Variants in DOT1L observed in about 807,000 individuals in gnomAD.
DOT1L encodes the protein DOT1 like histone lysine methyltransferase, also known as histone-lysine N-methyltransferase, H3 lysine-79 specific.
A neutral mutation model predicts 153.3 loss-of-function variants in DOT1L; 33 were observed. That is an observed-to-expected ratio of 0.22 (90% confidence interval 0.16 to 0.29). The LOEUF is 0.29. DOT1L is among the 10% of genes least tolerant of loss of function. DOT1L has a pLI of 1.00. For missense variants in DOT1L, 1,847 were observed against 2,119.9 expected (o/e 0.87, Z 2.53); for synonymous variants, 1,135 against 965.1 (o/e 1.18, Z -3.26).
intron 8 of DOT1L, among the ~76,000 whole-genome samples, chr19:2,201,608 C>T (rs897439025): frequency 2.6e-5 from 4 of 152,242 alleles, no homozygotes; most frequent in African/African-American, 9.6e-5. Flanking sequence ...GGTGTTCTGC[C>T]ATCTGGAGGG....
intron 7 of DOT1L, among the ~76,000 whole-genome samples, chr19:2,195,899 G>C (rs2022997573): frequency 6.6e-6 from 1 of 152,224 alleles, no homozygotes; most frequent in South Asian, 2.1e-4. Context: ...GGATGCATGA[G>C]GGACACAGGT....
In DOT1L at chr19:2,232,304, A is replaced by T. The variant is rs1469961633; in HGVS notation, c.*2512A>T. 2 of 207,232 alleles carry T rather than the reference A, an allele frequency of 9.7e-6. No homozygotes were observed. Among genetic ancestry groups the T allele is most frequent in the African/African-American group, 4.6e-5 (2 of 43,214 alleles). 12.8% of individuals were successfully genotyped at this position (207,232 alleles called of 1,614,324 possible). On this transcript the variant is annotated 3_prime_UTR_variant, in exon 28 of 28. Transcript: ENST00000398665. ...CCCCCTTAATTTATCTGCCCCCAGG[A>T]TGCGTCAGTCTGTTCAGTGGTCAGC...
At chr19:2,227,174 G>A (rs1481509491) in intron 27 of DOT1L, 47 bp downstream of exon 27, 1 of 1,580,992 alleles carries the variant, frequency 6.3e-7, no homozygotes, top group Admixed American at 1.7e-5. Context: ...GCCCCCGCCG[G>A]AGGCCCCTTC....
Position 2,202,699 on chromosome 19 carries a change from G to A in DOT1L, c.708-1G>A. On this transcript the variant is annotated splice_acceptor_variant, in intron 8 of 27. Coordinates refer to ENST00000398665, the MANE Select transcript of DOT1L (RefSeq NM_032482.3). LOFTEE classifies it high-confidence loss of function. The stretch of plus-strand genomic sequence containing the variant: ...CACTGAACTGGAGTATTGTTTTGCA[G>A]TGTTATATTTGTGAATAATTTTGCC... The A allele has an allele frequency of 6.2e-7, 1 of 1,614,118 alleles. No homozygotes were observed. The highest frequency in any genetic ancestry group is 8.5e-7 in the Non-Finnish European group (1 of 1,179,952).
At chr19:2,212,329 A>AT (rs1209553504) in intron 16 of DOT1L, 1 of 153,066 alleles carries the variant, frequency 6.5e-6, no homozygotes. Context: ...CATCCGGCTA[A>AT]TTTTTTGTAT....
chr19:2,194,163 G>T (rs930202612), intron 6 of DOT1L, among the ~76,000 whole-genome samples: 2 of 150,988 alleles, frequency 1.3e-5, no homozygotes, highest in Non-Finnish European at 3.0e-5. Context: ...GTTTGTTGTT[G>T]TTTTTTTTTG....
Position 2,213,886 on chromosome 19 carries a change from A to G in DOT1L, c.1697A>G (p.Gln566Arg), listed in dbSNP as rs375380562. ...VKALTYNDLI[Q>R]AQKEISAHNQ... ...GCGCTGACCTACAACGACCTGATTCAAGCGCAGAAGGAGATCTCCGCCCAT... is the reference window on the plus strand; with the variant it reads ...GCGCTGACCTACAACGACCTGATTCGAGCGCAGAAGGAGATCTCCGCCCAT... Residue 566 changes from glutamine (Q) to arginine (R), a missense_variant, in exon 18 of 28, where the codon CAA becomes CGA. Gln to Arg is a conservative substitution (Grantham distance 43). Transcript: ENST00000398665. 27 of 1,612,990 alleles carry G rather than the reference A, an allele frequency of 1.7e-5. No homozygotes were observed. The South Asian group carries it at 2.5e-4, about 15-fold the overall frequency.
intron 1 of DOT1L, among the ~76,000 whole-genome samples, chr19:2,177,406 CCTCT>C (rs560946032): frequency 6.6e-6 from 1 of 152,134 alleles, no homozygotes; most frequent in South Asian, 2.1e-4. Flanking sequence ...AAGCAAGTCT[CCTCT>C]CTCAGCCTCC....
chr19:2,231,684 C>T lies in DOT1L; in HGVS notation c.*1892C>T, dbSNP rs192461348. The T allele has an allele frequency of 2.8e-3, 592 of 214,674 alleles. 12 individuals are homozygous for T. The Admixed American group carries it at 0.028, about 10-fold the overall frequency. 13.3% of individuals were successfully genotyped at this position (214,674 alleles called of 1,614,324 possible). A position where few individuals can be genotyped will look rare whatever the true frequency, so the allele number is the denominator to read the frequency against. On this transcript the variant is annotated 3_prime_UTR_variant, in exon 28 of 28. Transcript: ENST00000398665. Reference sequence around the variant, plus strand: ...TGGCCTTCAGGACAGGCAGCCTGCTCTGTGTCGCCACGGGCCGGATACGCC... The same window carrying T: ...TGGCCTTCAGGACAGGCAGCCTGCTTTGTGTCGCCACGGGCCGGATACGCC...
chr19:2,165,775 T>G (rs1353987113), intron 1 of DOT1L, among the ~76,000 whole-genome samples: 3 of 151,804 alleles, frequency 2.0e-5, no homozygotes, highest in Non-Finnish European at 4.4e-5. Context: ...TCACATTTTT[T>G]TTTTTTTTTT....
chr19:2,194,892 TG>T (rs1333457081), intron 7 of DOT1L, among the ~76,000 whole-genome samples: 1 of 152,218 alleles, frequency 6.6e-6, no homozygotes, highest in Non-Finnish European at 1.5e-5. Flanking sequence ...GGCTGGGTTC[TG>T]GGCTGGCTGC....
In DOT1L at chr19:2,204,315, G is replaced by C. The variant is rs575838460; in HGVS notation, c.787+1536G>C. Among the ~76,000 whole-genome samples the C allele has an allele frequency of 8.0e-4, 121 of 152,124 alleles. No individual in the cohort carries two copies. The highest frequency in any genetic ancestry group is 9.3e-4 in the Non-Finnish European group (63 of 68,002). ...TCTGTGTGTGTGCATGCATGCCTGT[G>C]TCTCTCTGCGTCTGTGTGCCTTGGG... On this transcript the variant is annotated intron_variant, in intron 9 of 27. Coordinates refer to ENST00000398665, the MANE Select transcript of DOT1L (RefSeq NM_032482.3). The surrounding 1 kb of genome is among the most constrained non-coding windows in gnomAD (Gnocchi z 5.7).
rs1329818745 is a variant in DOT1L, at chr19:2,223,401, C to G, written c.3511C>G (p.Pro1171Ala). 1 of 1,613,794 alleles carries G rather than the reference C, an allele frequency of 6.2e-7. No homozygotes were observed. The highest frequency in any genetic ancestry group is 1.1e-5 in the South Asian group (1 of 91,072). ...GCCCCCCGTGCTCAAGAAGGAGCGG[C>G]CTCTGAGCCAGACCAATGGGGCACA... ...DQPPVLKKER[P>A]LSQTNGAHYS... The change falls in exon 25 of 28, where the codon CCT (proline) becomes GCT (alanine). Residue 1171 changes from proline to alanine, a missense_variant. By Grantham distance (27) the Pro-to-Ala change is conservative. Around this residue, in one of 8 missense-constraint regions of DOT1L, gnomAD observed 934 missense variants for 825.3 expected, o/e 1.13. Transcript: ENST00000398665.
intron 1 of DOT1L, among the ~76,000 whole-genome samples, chr19:2,177,359 C>T (rs1399303714): frequency 1.3e-5 from 2 of 152,026 alleles, no homozygotes; most frequent in African/African-American, 2.4e-5. Flanking sequence ...TGCAATGCCG[C>T]GATCTCGGCT....
intron 26 of DOT1L, 125 bp downstream of exon 26, chr19:2,225,577 G>A (rs375043782): frequency 1.0e-5 from 11 of 1,064,554 alleles, no homozygotes; most frequent in African/African-American, 6.3e-5. Flanking sequence ...CCGCTGCGTC[G>A]TGTCCTGCGT....
chr19:2,174,822 G>C (rs2021830010), intron 1 of DOT1L, among the ~76,000 whole-genome samples: 1 of 151,232 alleles, frequency 6.6e-6, no homozygotes, highest in Non-Finnish European at 1.5e-5. Context: ...TTTTTGAAGA[G>C]ATGAGGGTCT....
chr19:2,191,267 C>T lies in DOT1L; in HGVS notation c.493+27C>T. 2 of 1,608,662 alleles carry T rather than the reference C, an allele frequency of 1.2e-6. No individual in the cohort carries two copies. Among genetic ancestry groups the T allele is most frequent in the South Asian group, 2.2e-5 (2 of 90,958 alleles). On this transcript the variant is annotated intron_variant, in intron 5 of 27. Coordinates refer to ENST00000398665, the MANE Select transcript of DOT1L (RefSeq NM_032482.3). This position sits in a 1 kb window ranked among gnomAD's most constrained non-coding sequence, Gnocchi z 6.8. ...TGAGTGTCGCCCGCCATGCCCGGCTCCTGTGCACTTCCAGGCCACACGCTC... is the reference window on the plus strand; with the variant it reads ...TGAGTGTCGCCCGCCATGCCCGGCTTCTGTGCACTTCCAGGCCACACGCTC...
At position 2,166,768 on chromosome 19, in the gene DOT1L, G is replaced by A. The variant is rs1021682289; in HGVS notation, c.81+2503G>A. On this transcript the variant is annotated intron_variant, in intron 1 of 27. Transcript: ENST00000398665. ...TCACCTAGGGCGTAGTTCGCTGGTT[G>A]CAGGGTACAGTTCTATACGTTTTGA... 6.9e-4 allele frequency among the ~76,000 whole-genome samples: 105 copies of A among 152,200 alleles called. 3 individuals are homozygous for A. Among genetic ancestry groups the A allele is most frequent in the Non-Finnish European group, 2.8e-4 (19 of 68,046 alleles).
At chr19:2,228,476 G>A (rs573123432) in intron 27 of DOT1L, 9 of 1,204,946 alleles carry the variant, frequency 7.5e-6, no homozygotes, top group Admixed American at 3.5e-5. Flanking sequence ...CAGAAGTTCC[G>A]GGGGTCCTGA....
Sources: allele counts gnomAD v4.1 joint callset (sites outside exome capture counted in the v4.1 genomes callset), GRCh38; gene constraint gnomAD v4.1.1; regional missense constraint gnomAD v4.1.1; non-coding constraint Gnocchi (gnomAD v3.1); transcripts MANE v1.5; gene names NCBI Gene and HGNC (gene_info 2026-07-23, HGNC 2026-07-21).